CADPS2: variants seen among roughly 807,000 people sequenced by gnomAD.
CADPS2 encodes calcium dependent secretion activator 2.
In CADPS2, 93 loss-of-function variants were observed where a neutral mutation model predicts 172.5. The ratio of observed to expected loss-of-function variants is 0.54; its 90% CI spans 0.46 to 0.64. The LOEUF (loss-of-function observed/expected upper bound fraction) is 0.64, where lower values mean the gene tolerates loss of function less well. Among genes scored for constraint, CADPS2 ranks in the 30% least tolerant of loss-of-function variants. The probability of loss-of-function intolerance (pLI) is 0.00; values close to 1 mark genes in which losing one functional copy is unlikely to be tolerated. For missense variants in CADPS2, 1,420 were observed against 1,565.9 expected (o/e 0.91, Z 1.57); for synonymous variants, 546 against 555.2 (o/e 0.98, Z 0.23).
At chr7:122,471,256 C>G in intron 14 of CADPS2, 119 bp downstream of exon 14, 6 of 398,744 alleles carry the variant, frequency 1.5e-5, no homozygotes, top group East Asian at 1.2e-4. Flanking sequence ...TTTTTTTTTC[C>G]TTGTAAGAAG....
At chr7:122,648,689 A>G (rs989283387) in intron 3 of CADPS2, among the ~76,000 whole-genome samples, 2 of 152,170 alleles carry the variant, frequency 1.3e-5, no homozygotes, top group African/African-American at 4.8e-5. Context: ...TTGTCCCTTT[A>G]GAGAGTAGGT....
chr7:122,719,225 G>T (rs113077130), intron 2 of CADPS2, among the ~76,000 whole-genome samples: 5,418 of 151,970 alleles, frequency 0.036, 185 homozygotes, highest in Non-Finnish European at 0.049. Flanking sequence ...GGGGAAAGGA[G>T]AAGTGAGGAA....
In CADPS2 at chr7:122,634,673, G is replaced by T. The variant is rs531128172; in HGVS notation, c.787-5345C>A. On this transcript the variant is annotated intron_variant, in intron 3 of 29. Coordinates refer to ENST00000449022, the MANE Select transcript of CADPS2 (RefSeq NM_017954.11). ...ACATGTCAATTTCATTCAGTTCTTT[G>T]CTGATTTTAGTTATTTCTTCTGCTA... Among the ~76,000 whole-genome samples, 7 of 152,068 alleles carry T rather than the reference G, an allele frequency of 4.6e-5. No homozygotes were observed. The East Asian group carries it at 1.4e-3, about 29-fold the overall frequency.
chr7:122,459,314 G>A (rs930187982), intron 14 of CADPS2, among the ~76,000 whole-genome samples: 1 of 151,914 alleles, frequency 6.6e-6, no homozygotes, highest in African/African-American at 2.4e-5. Context: ...CATAGATAGT[G>A]CTTCAATAAT....
At chr7:122,416,738 TG>T (rs1178721218) in intron 17 of CADPS2, among the ~76,000 whole-genome samples, 1 of 152,100 alleles carries the variant, frequency 6.6e-6, no homozygotes, top group African/African-American at 2.4e-5. Context: ...GAGGGGGTTG[TG>T]GGGGAGGAAG....
chr7:122,696,476 T>C (rs1008797669), intron 2 of CADPS2, among the ~76,000 whole-genome samples: 1 of 152,050 alleles, frequency 6.6e-6, no homozygotes, highest in Non-Finnish European at 1.5e-5. Flanking sequence ...CTTAGATTAG[T>C]GTCTCTCCTC....
At chr7:122,760,893 C>T (rs984036834) in intron 1 of CADPS2, among the ~76,000 whole-genome samples, 3 of 151,802 alleles carry the variant, frequency 2.0e-5, no homozygotes, top group African/African-American at 7.3e-5. Flanking sequence ...AGCACACCAA[C>T]ATGGCACATG....
intron 1 of CADPS2, among the ~76,000 whole-genome samples, chr7:122,832,390 T>G (rs1233504939): frequency 6.6e-6 from 1 of 152,074 alleles, no homozygotes; most frequent in Non-Finnish European, 1.5e-5. Flanking sequence ...CCTGGTCTTC[T>G]AAGTGACCCT....
At chr7:122,818,839 CA>C (rs1802278933) in intron 1 of CADPS2, among the ~76,000 whole-genome samples, 1 of 152,126 alleles carries the variant, frequency 6.6e-6, no homozygotes, top group Admixed American at 6.5e-5. Flanking sequence ...ACTTTTTCAA[CA>C]AATATAAAAA....
intron 1 of CADPS2, among the ~76,000 whole-genome samples, chr7:122,833,538 TTTTG>T (rs558678642): frequency 1.3e-4 from 20 of 151,902 alleles, no homozygotes; most frequent in South Asian, 4.2e-4. Flanking sequence ...CTTTGTTTTT[TTTTG>T]TTTGTTTGTT....
intron 1 of CADPS2, among the ~76,000 whole-genome samples, chr7:122,741,988 G>A (rs1441282920): frequency 6.6e-6 from 1 of 152,120 alleles, no homozygotes; most frequent in Admixed American, 6.5e-5. Flanking sequence ...ATTCCAGTTT[G>A]CCATAAAATC....
chr7:122,711,968 A>G (rs1018535753), intron 2 of CADPS2, among the ~76,000 whole-genome samples: 4 of 151,942 alleles, frequency 2.6e-5, no homozygotes, highest in Non-Finnish European at 5.9e-5. Context: ...TTATTTTTGT[A>G]TTTAAACATA....
At chr7:122,820,047 G>C (rs1020606645) in intron 1 of CADPS2, among the ~76,000 whole-genome samples, 1 of 152,138 alleles carries the variant, frequency 6.6e-6, no homozygotes, top group Non-Finnish European at 1.5e-5. Flanking sequence ...AGCCTTACAA[G>C]TTAGTTCAGG....
chr7:122,701,484 A>G (rs1163649369), intron 2 of CADPS2, among the ~76,000 whole-genome samples: 1 of 152,164 alleles, frequency 6.6e-6, no homozygotes, highest in East Asian at 1.9e-4. Context: ...AGATATACCT[A>G]ATGTTAAATG....
At chr7:122,469,753 G>C (rs911159487) in intron 14 of CADPS2, among the ~76,000 whole-genome samples, 1 of 150,764 alleles carries the variant, frequency 6.6e-6, no homozygotes, top group Admixed American at 6.6e-5. Flanking sequence ...GTACGTGGAG[G>C]ATAATAGGTG....
At chr7:122,342,603 G>T (rs1254153445) in intron 28 of CADPS2, among the ~76,000 whole-genome samples, 4 of 152,148 alleles carry the variant, frequency 2.6e-5, no homozygotes, top group Non-Finnish European at 4.4e-5. Context: ...TATAAAAATA[G>T]TGTTATATGT....
rs1340626341 is a variant in CADPS2, at chr7:122,722,575, C to T, written c.453+14380G>A. 8.7e-5 allele frequency among the ~76,000 whole-genome samples: 13 copies of T among 149,742 alleles called. No homozygotes were observed. In the Admixed American group the frequency reaches 8.7e-4, roughly 10 times the overall value. ...AACAAATGGAAGAACATTCCATGCT[C>T]ATTGATAGGAAGAATCAATATTGTG... is the stretch of plus-strand genomic sequence containing the variant. On this transcript the variant is annotated intron_variant, in intron 2 of 29. Coordinates refer to ENST00000449022, the MANE Select transcript of CADPS2 (RefSeq NM_017954.11).
intron 27 of CADPS2, among the ~76,000 whole-genome samples, chr7:122,346,627 C>T (rs2150989979): frequency 6.6e-6 from 1 of 152,162 alleles, no homozygotes; most frequent in Non-Finnish European, 1.5e-5. Context: ...AGAAATGTGG[C>T]AAGAGTATCA....
intron 7 of CADPS2, among the ~76,000 whole-genome samples, chr7:122,578,684 T>C (rs532964297): frequency 1.3e-5 from 2 of 152,204 alleles, no homozygotes; most frequent in East Asian, 1.9e-4. Flanking sequence ...TTGGAAGACA[T>C]TGGAATATTT....
Sources: allele counts gnomAD v4.1 joint callset (sites outside exome capture counted in the v4.1 genomes callset), GRCh38; gene constraint gnomAD v4.1.1; transcripts MANE v1.5; gene names NCBI Gene and HGNC (gene_info 2026-07-23, HGNC 2026-07-21).